Variants in KSR2 observed in about 807,000 individuals in gnomAD.
KSR2 encodes kinase suppressor of ras 2.
A neutral mutation model predicts 107.8 loss-of-function variants in KSR2; 25 were observed. That is an observed-to-expected ratio of 0.23 (90% CI 0.17 to 0.32). KSR2 has a LOEUF of 0.32. Among genes scored for constraint, KSR2 ranks in the 10% least tolerant of loss-of-function variants. The pLI is 1.00. For missense variants in KSR2, 887 were observed against 1,268.9 expected (o/e 0.70, Z 4.57); for synonymous variants, 480 against 507.0 (o/e 0.95, Z 0.71).
chr12:117,848,798 G>GTAAC (rs2137195313), intron 3 of KSR2, among the ~76,000 whole-genome samples: 1 of 145,862 alleles, frequency 6.9e-6, no homozygotes, highest in South Asian at 2.1e-4. Flanking sequence ...GGTGATGGTG[G>GTAAC]TAACAACAGT....
intron 5 of KSR2, among the ~76,000 whole-genome samples, chr12:117,639,821 A>C (rs1024759636): frequency 2.0e-5 from 3 of 152,086 alleles, no homozygotes; most frequent in East Asian, 1.9e-4. Flanking sequence ...TTCCCACCAC[A>C]AACTCCAAAC....
chr12:117,859,138 A>G (rs80134673), intron 2 of KSR2, among the ~76,000 whole-genome samples: 2,728 of 131,980 alleles, frequency 0.021, 87 homozygotes, highest in African/African-American at 0.075. Context: ...TATGAGCTGA[A>G]CTTTTTTTTT....
At chr12:117,636,008 T>G (rs998060655) in intron 5 of KSR2, among the ~76,000 whole-genome samples, 38 of 152,162 alleles carry the variant, frequency 2.5e-4, no homozygotes, top group Non-Finnish European at 1.2e-4. Flanking sequence ...GCCAGGCTGG[T>G]CTTGAACTCC....
chr12:117,483,638 G>C (rs1468726415), intron 16 of KSR2, among the ~76,000 whole-genome samples: 2 of 152,192 alleles, frequency 1.3e-5, no homozygotes, highest in Non-Finnish European at 2.9e-5. Context: ...TTGTTTATTT[G>C]AGATCAAGCT....
chr12:117,528,602 C>A (rs891049979), intron 12 of KSR2, among the ~76,000 whole-genome samples: 2 of 152,210 alleles, frequency 1.3e-5, no homozygotes, highest in Admixed American at 6.5e-5. Context: ...AGGTCAACCA[C>A]AAAGTGGCAT....
chr12:117,760,915 C>T, intron 4 of KSR2, 96 bp downstream of exon 4: 2 of 1,493,462 alleles, frequency 1.3e-6, no homozygotes, highest in Non-Finnish European at 1.8e-6. Flanking sequence ...CAAGTCTGTT[C>T]CCGGTTTCCT....
At chr12:117,602,098 G>C (rs770204201) in intron 5 of KSR2, among the ~76,000 whole-genome samples, 3 of 152,146 alleles carry the variant, frequency 2.0e-5, no homozygotes, top group Non-Finnish European at 4.4e-5. Flanking sequence ...TTCATGTAAT[G>C]TTCCTGTGTC....
intron 1 of KSR2, 34 bp downstream of exon 1, chr12:117,968,028 GCTTTTTTTTTTTTT>G: frequency 9.4e-7 from 1 of 1,059,934 alleles, no homozygotes; most frequent in Non-Finnish European, 1.3e-6. Flanking sequence ...AAGAAGGATT[GCTTTTTTTTTTTTT>G]TTTTTTTTTT....
At chr12:117,916,776 T>C (rs1362987441) in intron 1 of KSR2, among the ~76,000 whole-genome samples, 1 of 152,182 alleles carries the variant, frequency 6.6e-6, no homozygotes, top group African/African-American at 2.4e-5. Flanking sequence ...TGCACCAGAA[T>C]AGAAGCGCCC....
intron 13 of KSR2, among the ~76,000 whole-genome samples, chr12:117,525,562 G>A (rs1050445365): frequency 6.6e-6 from 1 of 152,198 alleles, no homozygotes; most frequent in African/African-American, 2.4e-5. Context: ...CCTGGGAAGT[G>A]ACTCACTCCA....
rs138819853 is a variant in KSR2 at position 117,920,395 on chromosome 12, CTT to C, written c.180+47679_180+47680del. Among the ~76,000 whole-genome samples, 1,124 of 141,836 alleles carry C rather than the reference CTT, an allele frequency of 7.9e-3. 14 individuals carry two copies. The highest frequency in any genetic ancestry group is 0.025 in the African/African-American group (996 of 39,508). The allele number at this position is 141,836 out of a possible 152,430, so 93.0% of individuals were successfully genotyped here. A position where few individuals can be genotyped will look rare whatever the true frequency, so the allele number is the denominator to read the frequency against. ...GATTACAGGGCTGAACCACTGTGGT[CTT>C]TTTTTTTTTTTTTAACAATTTTAAT... On this transcript the variant is annotated intron_variant, in intron 1 of 19. Transcript: ENST00000339824.
At chr12:117,926,293 A>G (rs1895517044) in intron 1 of KSR2, among the ~76,000 whole-genome samples, 1 of 152,188 alleles carries the variant, frequency 6.6e-6, no homozygotes, top group South Asian at 2.1e-4. Context: ...GTGAACCTTC[A>G]CTAGCCCATC....
Position 117,781,246 on chromosome 12 carries a change from A to T in KSR2, c.473-19722T>A, listed in dbSNP as rs146489716. ...CCCAGTCATGTGGAATTGTGAGTCA[A>T]TTAAACCTCATTCCTTTATAAATTA... On this transcript the variant is annotated intron_variant, in intron 3 of 19. Transcript: ENST00000339824. Among the ~76,000 whole-genome samples the T allele has an allele frequency of 5.5e-3, 838 of 152,304 alleles. 15 individuals are homozygous for T. Among genetic ancestry groups the T allele is most frequent in the African/African-American group, 0.019 (809 of 41,542 alleles).
intron 1 of KSR2, among the ~76,000 whole-genome samples, chr12:117,904,610 A>G (rs906427141): frequency 1.3e-5 from 2 of 152,210 alleles, no homozygotes; most frequent in South Asian, 2.1e-4. Context: ...AGTGTTTTAT[A>G]TACTTTTCCT....
Position 117,761,120 on chromosome 12 carries a change from G to C in KSR2, c.877C>G (p.Pro293Ala). The change falls in exon 4 of 20, where the codon CCC becomes GCC. Residue 293 changes from proline to alanine, a missense_variant. Pro to Ala is a conservative substitution (Grantham distance 27). Coordinates refer to ENST00000339824, the MANE Select transcript of KSR2 (RefSeq NM_173598.6). ...AAGTGTATCAGTTTTCGGGAGGAGG[G>C]CGGTGGGGTCCCCGGGGGCTTCAGC... ...NKLKPPGTPPPSSRKLIHLIP... is the reference protein window; with the variant it reads ...NKLKPPGTPPASSRKLIHLIP... 3.7e-6 allele frequency: 6 copies of C among 1,613,412 alleles called. No homozygotes were observed. Among genetic ancestry groups the C allele is most frequent in the Non-Finnish European group, 5.1e-6 (6 of 1,179,552 alleles).
rs377155122 is a variant in KSR2, at chr12:117,908,350, G to C, written c.181-47919C>G. Among the ~76,000 whole-genome samples, 3 of 151,916 alleles carry C rather than the reference G, an allele frequency of 2.0e-5. No individual in the cohort carries two copies. In the South Asian group the frequency reaches 6.2e-4, roughly 32 times the overall value. On this transcript the variant is annotated intron_variant, in intron 1 of 19. Transcript: ENST00000339824. ...ACCCACTGGGATATGTACTGAGAAG[G>C]CTGCTTTGTGAGAAATCTAAACAAA...
At chr12:117,740,067 T>TC (rs1400904373) in intron 4 of KSR2, among the ~76,000 whole-genome samples, 1 of 149,626 alleles carries the variant, frequency 6.7e-6, no homozygotes, top group Non-Finnish European at 1.5e-5. Flanking sequence ...TAGTCTTTTA[T>TC]CCCTCAGTGG....
chr12:117,943,805 T>A (rs1343470695), intron 1 of KSR2, among the ~76,000 whole-genome samples: 2 of 152,192 alleles, frequency 1.3e-5, no homozygotes, highest in Non-Finnish European at 2.9e-5. Context: ...AGGGACCCAG[T>A]GGGAAATAAT....
intron 5 of KSR2, among the ~76,000 whole-genome samples, chr12:117,607,200 C>T (rs1313109797): frequency 6.6e-6 from 1 of 152,142 alleles, no homozygotes; most frequent in East Asian, 1.9e-4. Context: ...CAGTCACTAA[C>T]GAAGACCTAG....
Sources: gnomAD v4.1 joint callset for allele counts (sites outside exome capture counted in the v4.1 genomes callset) on GRCh38, gnomAD v4.1.1 for gene constraint, MANE v1.5 for transcripts, NCBI Gene and HGNC (gene_info 2026-07-23, HGNC 2026-07-21) for gene names.